The following ABCA12 variants were observed in gnomAD, a reference collection of about 807,000 sequenced individuals.
ABCA12 encodes ATP binding cassette subfamily A member 12, also known as glucosylceramide transporter ABCA12.
ABCA12 carries 156 observed loss-of-function variants against 293.5 expected under a neutral mutation model. That is an observed-to-expected ratio of 0.53 (90% CI 0.47 to 0.61). The LOEUF (loss-of-function observed/expected upper bound fraction) is 0.61, where lower values mean the gene tolerates loss of function less well. Among genes scored for constraint, ABCA12 ranks in the 20% least tolerant of loss-of-function variants. The pLI is 0.00. For missense variants in ABCA12, 2,797 were observed against 3,090.2 expected, an observed-to-expected ratio of 0.91 and a Z score of 2.25; for synonymous variants, 1,063 against 1,108.0, an observed-to-expected ratio of 0.96 and a Z score of 0.81.
chr2:215,047,562 G>A (rs1458314300), intron 6 of ABCA12, among the ~76,000 whole-genome samples: 2 of 151,990 alleles, frequency 1.3e-5, no homozygotes, highest in African/African-American at 4.8e-5. Flanking sequence ...AATGACATTG[G>A]GATAACCAGC....
chr2:215,095,674 C>T (rs1702235730), intron 2 of ABCA12, among the ~76,000 whole-genome samples: 1 of 152,126 alleles, frequency 6.6e-6, no homozygotes. Context: ...GAATGTCAGG[C>T]CTCTGAGCCC....
chr2:214,986,873 T>C, intron 27 of ABCA12, 145 bp from the exon 28 acceptor site: 2 of 792,276 alleles, frequency 2.5e-6, no homozygotes, highest in Non-Finnish European at 4.1e-6. Context: ...TGATTTATTA[T>C]AGTCTTCAGC....
At position 215,004,195 on chromosome 2, in the gene ABCA12, G is replaced by C; in HGVS notation, c.2683+14C>G. On this transcript the variant is annotated intron_variant, in intron 20 of 52. Coordinates refer to ENST00000272895, the MANE Select transcript of ABCA12 (RefSeq NM_173076.3). ...CATGACTCATGAATAAAAGCTTTGT[G>C]AATTTGGACTCACCGAGTTCATCTA... 6.2e-7 allele frequency: 1 copy of C among 1,605,532 alleles called. No homozygotes were observed. Among genetic ancestry groups the C allele is most frequent in the Non-Finnish European group, 8.5e-7 (1 of 1,172,660 alleles).
chr2:215,054,777 A>C (rs1701388287), intron 3 of ABCA12, 113 bp from the exon 4 acceptor site: 2 of 775,116 alleles, frequency 2.6e-6, no homozygotes, highest in South Asian at 2.9e-5. Context: ...TATTTAATAT[A>C]GTTTCCAGGA....
chr2:215,036,870 G>T, intron 8 of ABCA12, 83 bp downstream of exon 8: 1 of 1,193,420 alleles, frequency 8.4e-7, no homozygotes, highest in Non-Finnish European at 1.2e-6. Flanking sequence ...ATCTCTACAT[G>T]ATTACTTTCA....
intron 27 of ABCA12, 45 bp downstream of exon 27, chr2:214,987,602 T>C: frequency 6.3e-7 from 1 of 1,582,202 alleles, no homozygotes; most frequent in Non-Finnish European, 8.6e-7. Context: ...TAATTTCATA[T>C]CATTTCTCTC....
intron 23 of ABCA12, among the ~76,000 whole-genome samples, chr2:214,993,035 T>C (rs756716241): frequency 2.0e-5 from 3 of 152,024 alleles, no homozygotes; most frequent in Non-Finnish European, 4.4e-5. Flanking sequence ...ACGAGCAAAA[T>C]AGTGAATTTT....
chr2:215,049,509 G>C (rs1284620741), intron 6 of ABCA12, 117 bp downstream of exon 6: 1 of 1,012,876 alleles, frequency 9.9e-7, no homozygotes, highest in Non-Finnish European at 1.5e-6. Context: ...GTCTATGTGA[G>C]GAAAACATGC....
intron 45 of ABCA12, among the ~76,000 whole-genome samples, chr2:214,950,360 A>C (rs1698717689): frequency 9.4e-6 from 1 of 106,562 alleles, no homozygotes; most frequent in Admixed American, 1.1e-4. Context: ...GTGTATATAT[A>C]TATATGTGTG....
intron 20 of ABCA12, 139 bp downstream of exon 20, chr2:215,004,070 C>A: frequency 2.9e-6 from 2 of 684,360 alleles, no homozygotes; most frequent in Non-Finnish European, 2.6e-6. Context: ...GGGGATATAT[C>A]CAGGGTCTCA....
rs1357203152 is a variant in ABCA12 at position 214,993,535 on chromosome 2, C to T, written c.3295-2504G>A. Reference sequence around the variant, plus strand: ...TGTTAGTCCTTTTTATTTCCCTTTCCTACTATTTGTATTTTCAGATTTTTA... The same window carrying T: ...TGTTAGTCCTTTTTATTTCCCTTTCTTACTATTTGTATTTTCAGATTTTTA... On this transcript the variant is annotated intron_variant, in intron 23 of 52. Coordinates refer to ENST00000272895, the MANE Select transcript of ABCA12 (RefSeq NM_173076.3). 3.3e-5 allele frequency among the ~76,000 whole-genome samples: 5 copies of T among 152,136 alleles called. No individual in the cohort carries two copies. In the East Asian group the frequency reaches 9.6e-4, roughly 29 times the overall value.
At chr2:215,023,748 C>T (rs532375856) in intron 11 of ABCA12, 1 of 152,278 alleles carries the variant, frequency 6.6e-6, no homozygotes, top group East Asian at 1.9e-4. Flanking sequence ...ATTTCATCAG[C>T]TTAAACTCTA....
intron 43 of ABCA12, among the ~76,000 whole-genome samples, chr2:214,954,612 G>A (rs1309788195): frequency 6.6e-6 from 1 of 152,180 alleles, no homozygotes; most frequent in Non-Finnish European, 1.5e-5. Flanking sequence ...TCCACTTCAT[G>A]AATTTTCTTC....
chr2:215,018,889 A>G (rs1700563070), intron 13 of ABCA12, among the ~76,000 whole-genome samples: 1 of 152,196 alleles, frequency 6.6e-6, no homozygotes, highest in African/African-American at 2.4e-5. Context: ...GGAATTATGC[A>G]AAGAAGAAAC....
chr2:215,105,223 C>G (rs1702440045), intron 2 of ABCA12, among the ~76,000 whole-genome samples: 1 of 152,030 alleles, frequency 6.6e-6, no homozygotes, highest in African/African-American at 2.4e-5. Context: ...CCATTATAAG[C>G]CAATACTTCA....
rs760333430 is a variant in ABCA12, at chr2:215,019,310, G to C, written c.1657+26C>G. On this transcript the variant is annotated intron_variant, in intron 13 of 52. Transcript: ENST00000272895. The stretch of plus-strand genomic sequence containing the variant: ...AATCACATGCATTCTAATAAGACAA[G>C]ATTTAAAATGTGGATGGGGAAACAC... The C allele has an allele frequency of 6.3e-6, 10 of 1,576,334 alleles. No individual in the cohort carries two copies. In the East Asian group the frequency reaches 9.0e-5, roughly 14 times the overall value.
At chr2:215,125,171 T>G (rs1247406809) in intron 1 of ABCA12, among the ~76,000 whole-genome samples, 1 of 151,166 alleles carries the variant, frequency 6.6e-6, no homozygotes, top group Non-Finnish European at 1.5e-5. Context: ...TGTGCCTATT[T>G]TTATACCACT....
chr2:215,000,761 G>A lies in ABCA12; in HGVS notation c.3123C>T (p.Ser1041=). 1.2e-6 allele frequency: 2 copies of A among 1,614,056 alleles called. No homozygotes were observed. The highest frequency in any genetic ancestry group is 1.7e-6 in the Non-Finnish European group (2 of 1,179,964). Reference sequence around the variant, plus strand: ...CTTGAACCTGGACTGCTATTTCCTGGGAGTTCCTTCCAGTTTGCAATTCAA... The same window carrying A: ...CTTGAACCTGGACTGCTATTTCCTGAGAGTTCCTTCCAGTTTGCAATTCAA... The part of the protein sequence containing the change: ...AIIELQTGRN[S]QEIAVQVQAI... The change falls in exon 22 of 53, where the codon TCC becomes TCT. Residue 1041 remains serine (S), a synonymous_variant. Transcript: ENST00000272895.
At chr2:214,967,977 G>C (rs1199517556) in intron 38 of ABCA12, among the ~76,000 whole-genome samples, 1 of 152,024 alleles carries the variant, frequency 6.6e-6, no homozygotes, top group Non-Finnish European at 1.5e-5. Context: ...TAATCTAAAA[G>C]GAAAAATAAG....
Sources: gnomAD v4.1 joint callset for allele counts (sites outside exome capture counted in the v4.1 genomes callset) on GRCh38, gnomAD v4.1.1 for gene constraint, MANE v1.5 for transcripts, NCBI Gene and HGNC (gene_info 2026-07-23, HGNC 2026-07-21) for gene names.